BTG4: variants seen among roughly 807,000 people sequenced by gnomAD.
BTG4 encodes protein BTG4.
Under a neutral mutation model 19.3 loss-of-function variants are expected in BTG4, and 10 were observed. That is an observed-to-expected ratio of 0.52 (90% CI 0.32 to 0.88). The LOEUF is 0.88. Ranked by LOEUF, BTG4 falls within the 40% of genes least tolerant of loss-of-function variation. The probability of loss-of-function intolerance (pLI) is 0.04; values close to 1 mark genes in which losing one functional copy is unlikely to be tolerated. For synonymous variants in BTG4, 91 were observed against 95.7 expected (o/e 0.95, Z 0.29); for missense variants, 238 against 281.9 (o/e 0.84, Z 1.11).
At chr11:111,391,837 TAG>T in the BTG4 span, among the ~76,000 whole-genome samples, 16 of 152,098 alleles carry the variant, frequency 1.1e-4, no homozygotes, top group Admixed American at 1.0e-3. Context: ...GGTGGGAGGT[TAG>T]AGAGAGTCTT....
At chr11:111,418,943 G>T in the BTG4 span, among the ~76,000 whole-genome samples, 1 of 152,210 alleles carries the variant, frequency 6.6e-6, no homozygotes, top group African/African-American at 2.4e-5. Flanking sequence ...CAAGGTCAAG[G>T]TGTCAGCGGG....
the BTG4 span, among the ~76,000 whole-genome samples, chr11:111,386,785 C>T: frequency 6.6e-6 from 1 of 152,166 alleles, no homozygotes; most frequent in East Asian, 1.9e-4. Flanking sequence ...ATACCGAAGC[C>T]CATTGTTGCC....
At chr11:111,401,053 T>TAAAAAAAAAAAAAAA in the BTG4 span, 1 of 82,152 alleles carries the variant, frequency 1.2e-5, no homozygotes, top group African/African-American at 5.6e-5. Context: ...ACCTGGAGCA[T>TAAAAAAAAAAAAAAA]AAAAAAAAAA....
intron 5 of BTG4, among the ~76,000 whole-genome samples, chr11:111,479,215 T>C (rs1166643599): frequency 6.6e-6 from 1 of 152,112 alleles, no homozygotes; most frequent in Non-Finnish European, 1.5e-5. Context: ...CACAATATTT[T>C]TCTAATGCTG....
downstream of BTG4, among the ~76,000 whole-genome samples, chr11:111,463,876 T>C (rs1286096036): frequency 6.6e-6 from 1 of 152,174 alleles, no homozygotes; most frequent in Non-Finnish European, 1.5e-5. Context: ...CCTCAAGTCC[T>C]TGCCTGCTGT....
At chr11:111,487,334 C>T (rs1180807513) in intron 5 of BTG4, among the ~76,000 whole-genome samples, 3 of 152,012 alleles carry the variant, frequency 2.0e-5, no homozygotes, top group Non-Finnish European at 2.9e-5. Context: ...TGGGTATATA[C>T]CCAGTAATGA....
the BTG4 span, among the ~76,000 whole-genome samples, chr11:111,422,911 T>C: frequency 0.92 from 139,919 of 152,000 alleles, 64,740 homozygotes; most frequent in East Asian, 1. Flanking sequence ...GTGGCAGCTT[T>C]GGTCTTAGTA....
At chr11:111,452,033 C>T in the BTG4 span, among the ~76,000 whole-genome samples, 11 of 152,328 alleles carry the variant, frequency 7.2e-5, no homozygotes, top group South Asian at 2.1e-3. Flanking sequence ...TGTCTCCCCC[C>T]GACCCCCATC....
the BTG4 span, among the ~76,000 whole-genome samples, chr11:111,433,714 A>AAACG: frequency 2.7e-3 from 1 of 370 alleles, no homozygotes; most frequent in East Asian, 0.1. Flanking sequence ...TACAAGAAAA[A>AAACG]AACAACCCCA....
the BTG4 span, among the ~76,000 whole-genome samples, chr11:111,423,923 G>A: frequency 6.6e-6 from 1 of 152,056 alleles, no homozygotes; most frequent in African/African-American, 2.4e-5. Flanking sequence ...AGAAGAGGAG[G>A]CCGAGAAAGC....
chr11:111,495,259 T>C lies in BTG4; in HGVS notation c.566A>G (p.Asn189Ser), dbSNP rs201605244. The change falls in exon 5 of 5, where the codon AAT becomes AGT. Residue 189 changes from asparagine (N) to serine (S), a missense_variant. Asn to Ser is a conservative substitution (Grantham distance 46). Transcript: ENST00000692032. ...QSWLQIPRKK[N>S]VVDGRVGLLG... ...GAGGCCAACACGGCCGTCCACCACA[T>C]TCTTTTTGCGGGGGATTTGTAACCA... is the stretch of plus-strand genomic sequence containing the variant. The C allele has an allele frequency of 1.5e-4, 237 of 1,611,158 alleles. No homozygotes were observed. The highest frequency in any genetic ancestry group is 2.4e-4 in the Admixed American group (14 of 59,002).
At chr11:111,487,362 G>A (rs1378785991) in intron 5 of BTG4, among the ~76,000 whole-genome samples, 1 of 151,990 alleles carries the variant, frequency 6.6e-6, no homozygotes, top group East Asian at 1.9e-4. Context: ...GGGTCAAATG[G>A]TCATATGATA....
chr11:111,474,271 C>T (rs1343207763), intron 5 of BTG4, among the ~76,000 whole-genome samples: 1 of 152,118 alleles, frequency 6.6e-6, no homozygotes, highest in East Asian at 1.9e-4. Flanking sequence ...TGTGAATACT[C>T]CCATATAACC....
the BTG4 span, among the ~76,000 whole-genome samples, chr11:111,411,116 A>G: frequency 6.6e-6 from 1 of 152,148 alleles, no homozygotes; most frequent in Non-Finnish European, 1.5e-5. Context: ...GATCCTTTTA[A>G]GGCATAACTA....
At chr11:111,389,649 G>A in the BTG4 span, among the ~76,000 whole-genome samples, 2 of 152,220 alleles carry the variant, frequency 1.3e-5, no homozygotes, top group Non-Finnish European at 2.9e-5. Flanking sequence ...AATAATGAAT[G>A]TGACAGATTT....
chr11:111,500,465 A>G (rs1814393483), intron 1 of BTG4, among the ~76,000 whole-genome samples: 1 of 152,184 alleles, frequency 6.6e-6, no homozygotes, highest in African/African-American at 2.4e-5. Flanking sequence ...TGATTTTCCT[A>G]TATGTGCAGC....
chr11:111,429,782 G>A, the BTG4 span, among the ~76,000 whole-genome samples: 6,150 of 152,292 alleles, frequency 0.04, 415 homozygotes, highest in African/African-American at 0.14. Flanking sequence ...AATGGAGAAC[G>A]TAAAGGGGCA....
At chr11:111,437,746 A>G in the BTG4 span, among the ~76,000 whole-genome samples, 1 of 152,030 alleles carries the variant, frequency 6.6e-6, no homozygotes, top group South Asian at 2.1e-4. Context: ...CCTAGGCGAC[A>G]CTCTGCAGTT....
chr11:111,448,101 G>A, the BTG4 span, among the ~76,000 whole-genome samples: 1 of 152,210 alleles, frequency 6.6e-6, no homozygotes, highest in East Asian at 1.9e-4. Context: ...AGTGACATGG[G>A]CTTCCATAGC....
Sources: gnomAD v4.1 joint callset for allele counts (sites outside exome capture counted in the v4.1 genomes callset) on GRCh38, gnomAD v4.1.1 for gene constraint, MANE v1.5 for transcripts, NCBI Gene and HGNC (gene_info 2026-07-23, HGNC 2026-07-21) for gene names.